TLL1: variants seen among roughly 807,000 people sequenced by gnomAD.
TLL1 encodes tolloid-like protein 1.
In TLL1, 49 loss-of-function variants were observed where a neutral mutation model predicts 128.2. That is an observed-to-expected ratio of 0.38 (90% CI 0.30 to 0.48). The LOEUF (loss-of-function observed/expected upper bound fraction) is 0.48, where lower values mean the gene tolerates loss of function less well. TLL1 is among the 20% of genes least tolerant of loss of function. TLL1 has a pLI of 0.96. For synonymous variants in TLL1, 454 were observed against 418.8 expected (o/e 1.08, Z -1.03); for missense variants, 1,123 against 1,242.0 (o/e 0.90, Z 1.44).
chr4:165,921,839 A>G (rs1183810778), intron 1 of TLL1, among the ~76,000 whole-genome samples: 7 of 152,208 alleles, frequency 4.6e-5, no homozygotes, highest in African/African-American at 1.7e-4. Flanking sequence ...TTTTTTAAAA[A>G]AAAGTTTAAA....
At chr4:165,950,473 AT>A (rs1734460295) in intron 1 of TLL1, among the ~76,000 whole-genome samples, 2 of 152,244 alleles carry the variant, frequency 1.3e-5, no homozygotes, top group East Asian at 3.9e-4. Flanking sequence ...CAGAATAGAG[AT>A]TCCTTCAAGT....
intron 16 of TLL1, among the ~76,000 whole-genome samples, chr4:166,069,490 ACT>A (rs973656504): frequency 1.3e-5 from 2 of 151,612 alleles, no homozygotes; most frequent in Admixed American, 6.6e-5. Flanking sequence ...TAAAAATAAA[ACT>A]CTAGCTTTCT....
At chr4:165,903,982 C>A (rs1732133949) in intron 1 of TLL1, among the ~76,000 whole-genome samples, 1 of 151,840 alleles carries the variant, frequency 6.6e-6, no homozygotes, top group African/African-American at 2.4e-5. Flanking sequence ...CTCATTTAGT[C>A]TTTTTATATT....
intron 1 of TLL1, among the ~76,000 whole-genome samples, chr4:165,904,494 C>T (rs1379616629): frequency 2.0e-5 from 3 of 152,076 alleles, no homozygotes; most frequent in Non-Finnish European, 4.4e-5. Context: ...CCCTTATAAG[C>T]AGGCAGGGAA....
chr4:165,941,622 G>T (rs1734013070), intron 1 of TLL1, among the ~76,000 whole-genome samples: 1 of 152,048 alleles, frequency 6.6e-6, no homozygotes, highest in Non-Finnish European at 1.5e-5. Context: ...AATGCCCAGT[G>T]TCAACATAAA....
chr4:166,023,916 GT>G lies in TLL1; in HGVS notation c.1043-1390del, dbSNP rs35422171. Among the ~76,000 whole-genome samples the G allele has an allele frequency of 6.1e-4, 90 of 146,778 alleles. 1 individual carries two copies. The East Asian group carries it at 9.7e-3, about 16-fold the overall frequency. ...TAAACTGCTGTTAATTATAGGTTTG[GT>G]TTTTTTTTTATAGAAACACACTCAA... On this transcript the variant is annotated intron_variant, in intron 8 of 20. Coordinates refer to ENST00000061240, the MANE Select transcript of TLL1 (RefSeq NM_012464.5).
rs576272381 is a variant in TLL1, at chr4:166,037,223, A to T, written c.1159-2116A>T. On this transcript the variant is annotated intron_variant, in intron 9 of 20. Transcript: ENST00000061240. ...AAACACAAAGTTAAAGGGAAAAACC[A>T]GGTATTATTTCCTAGTTATATCCTG... is the stretch of plus-strand genomic sequence containing the variant. 2.0e-5 allele frequency among the ~76,000 whole-genome samples: 3 copies of T among 152,342 alleles called. No individual in the cohort carries two copies. In the South Asian group the frequency reaches 6.2e-4, roughly 32 times the overall value.
chr4:166,091,766 T>C (rs905724888), intron 19 of TLL1, among the ~76,000 whole-genome samples: 3 of 152,122 alleles, frequency 2.0e-5, no homozygotes, highest in Admixed American at 2.0e-4. Flanking sequence ...TAATATATTT[T>C]TATAAATAAG....
In TLL1 at chr4:165,995,174, T is replaced by C; in HGVS notation, c.628T>C (p.Cys210Arg). The change falls in exon 5 of 21, where the codon TGT (cysteine) becomes CGT (arginine). Residue 210 changes from cysteine (C) to arginine (R), a missense_variant. Coordinates refer to ENST00000061240, the MANE Select transcript of TLL1 (RefSeq NM_012464.5). ...TTACATTGTATTCACCTATAGGCCT[T>C]GTGGGTAAGTAGAACTAGGTAGGGA... The part of the protein sequence containing the change: ...ESYIVFTYRP[C>R]GCCSYVGRRG... 1 of 1,598,062 alleles carries C rather than the reference T, an allele frequency of 6.3e-7. No homozygotes were observed. Among genetic ancestry groups the C allele is most frequent in the Non-Finnish European group, 8.6e-7 (1 of 1,165,556 alleles).
chr4:165,962,351 G>A lies in TLL1; in HGVS notation c.170-27030G>A, dbSNP rs542084928. Reference sequence around the variant, plus strand: ...CAACATCACTAATCATTAGAAATGGGAAATCAAAACTACAGTGAGACACCA... The same window carrying A: ...CAACATCACTAATCATTAGAAATGGAAAATCAAAACTACAGTGAGACACCA... On this transcript the variant is annotated intron_variant, in intron 1 of 20. Transcript: ENST00000061240. Among the ~76,000 whole-genome samples, 28 of 152,242 alleles carry A rather than the reference G, an allele frequency of 1.8e-4. No individual in the cohort carries two copies. In the South Asian group the frequency reaches 5.2e-3, roughly 28 times the overall value.
intron 1 of TLL1, among the ~76,000 whole-genome samples, chr4:165,957,840 C>A (rs1232632292): frequency 1.4e-5 from 2 of 146,718 alleles, no homozygotes; most frequent in African/African-American, 5.0e-5. Flanking sequence ...TTAGGTATAT[C>A]TCCTAATGCT....
intron 5 of TLL1, 33 bp from the exon 6 acceptor site, chr4:166,003,347 GCACCACCTTTC>G (rs1313516286): frequency 6.2e-7 from 1 of 1,606,650 alleles, no homozygotes; most frequent in Admixed American, 1.7e-5. Flanking sequence ...CAGTTGTCCA[GCACCACCTTTC>G]CACCACCATC....
At chr4:165,882,781 G>A (rs1425416465) in intron 1 of TLL1, among the ~76,000 whole-genome samples, 2 of 151,914 alleles carry the variant, frequency 1.3e-5, no homozygotes, top group Admixed American at 1.3e-4. Context: ...ACCACGCCCG[G>A]CTAGTTTTAT....
chr4:166,034,957 A>G (rs1416443118), intron 9 of TLL1, among the ~76,000 whole-genome samples: 1 of 152,200 alleles, frequency 6.6e-6, no homozygotes, highest in Non-Finnish European at 1.5e-5. Flanking sequence ...CAAAGGGATA[A>G]AATGATGAAC....
intron 1 of TLL1, among the ~76,000 whole-genome samples, chr4:165,935,960 T>G (rs1180844981): frequency 1.3e-5 from 2 of 151,924 alleles, no homozygotes. Flanking sequence ...CAGAGTTGAG[T>G]TAATCTCTTG....
At chr4:166,042,350 T>C (rs967789936) in intron 11 of TLL1, among the ~76,000 whole-genome samples, 1 of 152,214 alleles carries the variant, frequency 6.6e-6, no homozygotes, top group Non-Finnish European at 1.5e-5. Flanking sequence ...TGTAATAATA[T>C]CTAAATGTGT....
At chr4:165,917,916 A>G (rs1732859510) in intron 1 of TLL1, among the ~76,000 whole-genome samples, 1 of 152,202 alleles carries the variant, frequency 6.6e-6, no homozygotes, top group African/African-American at 2.4e-5. Flanking sequence ...AACTAATTAA[A>G]TTTTTTATCA....
Position 166,102,608 on chromosome 4 carries a change from G to T in TLL1, c.*1732G>T, listed in dbSNP as rs1909083. On this transcript the variant is annotated 3_prime_UTR_variant, in exon 21 of 21. Coordinates refer to ENST00000061240, the MANE Select transcript of TLL1 (RefSeq NM_012464.5). ...AGATTACTGTATGAAGTAGCTTTGT[G>T]TCTGTTACCTGTCCATGAGCATACA... The T allele has an allele frequency of 0.1, 15,284 of 151,978 alleles. 1,257 individuals are homozygous for T. Among genetic ancestry groups the T allele is most frequent in the East Asian group, 0.42 (2,166 of 5,110 alleles). 9.4% of individuals were successfully genotyped at this position (151,978 alleles called of 1,614,324 possible). A position where few individuals can be genotyped will look rare whatever the true frequency, so the allele number is the denominator to read the frequency against.
At chr4:166,011,075 T>G (rs963749971) in intron 7 of TLL1, among the ~76,000 whole-genome samples, 1 of 151,448 alleles carries the variant, frequency 6.6e-6, no homozygotes. Context: ...TGAAATCAGT[T>G]CTGCAAAGTT....
Sources: allele counts gnomAD v4.1 joint callset (sites outside exome capture counted in the v4.1 genomes callset), GRCh38; gene constraint gnomAD v4.1.1; transcripts MANE v1.5; gene names NCBI Gene and HGNC (gene_info 2026-07-23, HGNC 2026-07-21).